The following GPC5 variants were observed in gnomAD, a reference collection of about 807,000 sequenced individuals.
GPC5 encodes glypican-5.
A neutral mutation model predicts 53.9 loss-of-function variants in GPC5; 47 were observed. The observed-to-expected ratio is 0.87, with a 90% CI of 0.69 to 1.11. GPC5 has a LOEUF of 1.11. GPC5 is among the 50% of genes most tolerant of loss of function. GPC5 has a pLI of 0.00. For synonymous variants in GPC5, 286 were observed against 263.3 expected (o/e 1.09, Z -0.84); for missense variants, 748 against 713.1 (o/e 1.05, Z -0.56).
intron 3 of GPC5, among the ~76,000 whole-genome samples, chr13:91,711,995 T>G (rs1360944349): frequency 6.6e-6 from 1 of 151,422 alleles, no homozygotes; most frequent in African/African-American, 2.4e-5. Context: ...GTTCAGAAAC[T>G]GAATCCCTTT....
At chr13:92,373,771 A>T (rs2043670288) in intron 7 of GPC5, among the ~76,000 whole-genome samples, 1 of 152,204 alleles carries the variant, frequency 6.6e-6, no homozygotes, top group South Asian at 2.1e-4. Flanking sequence ...ATTAATCGTA[A>T]TCAGCTCCAG....
At chr13:92,074,309 G>C (rs1397316854) in intron 6 of GPC5, among the ~76,000 whole-genome samples, 1 of 152,128 alleles carries the variant, frequency 6.6e-6, no homozygotes, top group East Asian at 1.9e-4. Context: ...AATAGGAATT[G>C]GTAAAAATGT....
intron 5 of GPC5, among the ~76,000 whole-genome samples, chr13:91,790,271 CTA>C (rs1391740841): frequency 1.3e-5 from 2 of 152,064 alleles, no homozygotes; most frequent in African/African-American, 2.4e-5. Flanking sequence ...TTGACTATTT[CTA>C]TGTCTTCTCT....
chr13:91,669,115 A>G (rs1005357925), intron 2 of GPC5, among the ~76,000 whole-genome samples: 1 of 152,200 alleles, frequency 6.6e-6, no homozygotes, highest in Non-Finnish European at 1.5e-5. Context: ...ACCAGAAAAG[A>G]TCATGAAATA....
intron 7 of GPC5, among the ~76,000 whole-genome samples, chr13:92,762,539 T>C (rs1009028816): frequency 1.3e-5 from 2 of 152,188 alleles, no homozygotes; most frequent in Admixed American, 6.5e-5. Flanking sequence ...AATTTAATTA[T>C]AATGTATGTC....
intron 5 of GPC5, among the ~76,000 whole-genome samples, chr13:91,794,583 C>A (rs534745812): frequency 1.3e-5 from 2 of 152,270 alleles, no homozygotes; most frequent in South Asian, 4.1e-4. Context: ...AGAGATGGCT[C>A]CTGTTAATTT....
At chr13:92,493,633 T>C (rs1231533490) in intron 7 of GPC5, among the ~76,000 whole-genome samples, 1 of 152,186 alleles carries the variant, frequency 6.6e-6, no homozygotes, top group Non-Finnish European at 1.5e-5. Flanking sequence ...GCCGTCTTGG[T>C]TGTGTTCAGA....
chr13:91,401,683 A>G (rs1876967334), intron 1 of GPC5, among the ~76,000 whole-genome samples: 1 of 152,208 alleles, frequency 6.6e-6, no homozygotes, highest in African/African-American at 2.4e-5. Context: ...AGCAGGTAGA[A>G]TAAGTTTTTA....
rs530632328 is a variant in GPC5 at position 92,387,522 on chromosome 13, A to G, written c.1561+242533A>G. ...TGTAAGTTGTACAGCCTCACAGAGT[A>G]GTTGCTTTCCGACTTCTTGAGAGGG... is the stretch of plus-strand genomic sequence containing the variant. On this transcript the variant is annotated intron_variant, in intron 7 of 7. Transcript: ENST00000377067. 7.9e-5 allele frequency among the ~76,000 whole-genome samples: 12 copies of G among 152,206 alleles called. No homozygotes were observed. In the South Asian group the frequency reaches 1.5e-3, roughly 18 times the overall value.
chr13:92,238,715 A>G (rs2042587773), intron 7 of GPC5, among the ~76,000 whole-genome samples: 1 of 151,114 alleles, frequency 6.6e-6, no homozygotes, highest in Non-Finnish European at 1.5e-5. Context: ...GTCTGGGTTA[A>G]CTTTTCATTA....
At chr13:92,166,107 G>A (rs1207863271) in intron 7 of GPC5, among the ~76,000 whole-genome samples, 9 of 152,198 alleles carry the variant, frequency 5.9e-5, no homozygotes, top group South Asian at 2.1e-4. Context: ...TGTATTGTTG[G>A]AAAGGGTATT....
intron 7 of GPC5, among the ~76,000 whole-genome samples, chr13:92,409,222 C>T (rs1875937998): frequency 6.6e-6 from 1 of 151,122 alleles, no homozygotes; most frequent in Admixed American, 6.6e-5. Context: ...GAACGAAACC[C>T]CAGAAGGCAA....
At chr13:92,155,755 T>C (rs2041940063) in intron 7 of GPC5, among the ~76,000 whole-genome samples, 2 of 136,146 alleles carry the variant, frequency 1.5e-5, no homozygotes, top group Non-Finnish European at 3.3e-5. Flanking sequence ...TACATTCTTC[T>C]ATTTTTTTGA....
chr13:92,268,833 A>G (rs2042820846), intron 7 of GPC5, among the ~76,000 whole-genome samples: 2 of 152,134 alleles, frequency 1.3e-5, no homozygotes, highest in African/African-American at 2.4e-5. Context: ...ATTGTCAGCA[A>G]TGGATGTAAC....
In GPC5 at chr13:91,959,069, C is replaced by T. The variant is rs9589380; in HGVS notation, c.1401+51012C>T. Among the ~76,000 whole-genome samples, 446 of 120,870 alleles carry T rather than the reference C, an allele frequency of 3.7e-3. 4 individuals carry two copies. Among genetic ancestry groups the T allele is most frequent in the African/African-American group, 9.4e-3 (342 of 36,516 alleles). 79.3% of individuals were successfully genotyped at this position (120,870 alleles called of 152,430 possible). A position where few individuals can be genotyped will look rare whatever the true frequency, so the allele number is the denominator to read the frequency against. Reference sequence around the variant, plus strand: ...ACAGAATGGAGACAACACACACACACACACACACACACACACACACACACA... The same window carrying T: ...ACAGAATGGAGACAACACACACACATACACACACACACACACACACACACA... On this transcript the variant is annotated intron_variant, in intron 6 of 7. Transcript: ENST00000377067.
intron 2 of GPC5, among the ~76,000 whole-genome samples, chr13:91,449,193 T>C (rs1194906093): frequency 3.3e-5 from 5 of 152,120 alleles, no homozygotes; most frequent in African/African-American, 9.7e-5. Flanking sequence ...TTCTTCCAGG[T>C]CTGCCAACAT....
At chr13:92,816,660 T>A (rs1157777350) in intron 7 of GPC5, among the ~76,000 whole-genome samples, 8 of 151,960 alleles carry the variant, frequency 5.3e-5, no homozygotes, top group African/African-American at 1.9e-4. Flanking sequence ...TCTCTGAAAA[T>A]ACCTTGAAAA....
chr13:92,418,562 T>C (rs1876422032), intron 7 of GPC5, among the ~76,000 whole-genome samples: 1 of 152,160 alleles, frequency 6.6e-6, no homozygotes, highest in Admixed American at 6.5e-5. Flanking sequence ...TTCCTAATTG[T>C]ATAAAATACT....
chr13:92,638,225 A>G (rs977498145), intron 7 of GPC5, among the ~76,000 whole-genome samples: 1 of 152,192 alleles, frequency 6.6e-6, no homozygotes, highest in Non-Finnish European at 1.5e-5. Context: ...CCTCAGCCTA[A>G]TGAGTGTCCA....
Sources: allele counts gnomAD v4.1 joint callset (sites outside exome capture counted in the v4.1 genomes callset), GRCh38; gene constraint gnomAD v4.1.1; transcripts MANE v1.5; gene names NCBI Gene and HGNC (gene_info 2026-07-23, HGNC 2026-07-21).